The following CHD9 variants were observed in gnomAD, a reference collection of about 807,000 sequenced individuals.
CHD9 encodes ATP-dependent chromatin remodeler CHD9.
Under a neutral mutation model 316.1 loss-of-function variants are expected in CHD9, and 77 were observed. That is an observed-to-expected ratio of 0.24 (90% CI 0.20 to 0.29). CHD9 has a LOEUF of 0.29. Among genes scored for constraint, CHD9 ranks in the 10% least tolerant of loss-of-function variants. The pLI, the probability that CHD9 is intolerant of heterozygous loss-of-function variation, is 1.00. For missense variants in CHD9, 2,763 were observed against 3,438.1 expected (o/e 0.80, Z 4.91); for synonymous variants, 1,129 against 1,158.3 (o/e 0.97, Z 0.51).
chr16:53,168,353 A>G (rs1549042), intron 2 of CHD9, among the ~76,000 whole-genome samples: 73,506 of 151,918 alleles, frequency 0.48, 18,473 homozygotes, highest in African/African-American at 0.59. Flanking sequence ...ATGAGCCACC[A>G]CATCCAGCCT....
At chr16:53,112,324 A>T (rs1008024848) in intron 1 of CHD9, among the ~76,000 whole-genome samples, 6 of 152,208 alleles carry the variant, frequency 3.9e-5, no homozygotes, top group Non-Finnish European at 8.8e-5. Flanking sequence ...TTTCAGTGGA[A>T]ATGAAAGAAC....
chr16:53,161,134 A>G (rs1293218710), intron 2 of CHD9, among the ~76,000 whole-genome samples: 1 of 152,166 alleles, frequency 6.6e-6, no homozygotes, highest in Non-Finnish European at 1.5e-5. Flanking sequence ...CAAGTTTCCT[A>G]TTACTTCTTA....
intron 24 of CHD9, among the ~76,000 whole-genome samples, chr16:53,277,013 G>T (rs111972757): frequency 0.032 from 4,932 of 152,204 alleles, 96 homozygotes; most frequent in Middle Eastern, 0.071. Flanking sequence ...TAGAGGAGAT[G>T]CATGAATTTC....
chr16:53,327,245 A>T lies in CHD9; in HGVS notation c.*2350A>T, dbSNP rs993631347. 1.3e-5 allele frequency: 2 copies of T among 152,506 alleles called. No individual in the cohort carries two copies. The highest frequency in any genetic ancestry group is 3.2e-3 in the Middle Eastern group (1 of 316). 9.4% of individuals were successfully genotyped at this position (152,506 alleles called of 1,614,324 possible). ...ATCCAAGTATGTGTTGGTAGTTACT[A>T]AAAGAATTATAGCTGTTATTGCCTT... On this transcript the variant is annotated 3_prime_UTR_variant, in exon 39 of 39. Transcript: ENST00000447540.
chr16:53,152,609 T>C (rs1354849257), intron 1 of CHD9, among the ~76,000 whole-genome samples: 1 of 152,124 alleles, frequency 6.6e-6, no homozygotes, highest in Non-Finnish European at 1.5e-5. Flanking sequence ...TAAAGAGTCA[T>C]TGGAGGGTTG....
At chr16:53,172,034 A>C (rs1342145015) in intron 2 of CHD9, among the ~76,000 whole-genome samples, 1 of 152,178 alleles carries the variant, frequency 6.6e-6, no homozygotes. Flanking sequence ...AGCTTTATGG[A>C]GATAAAATGG....
intron 1 of CHD9, among the ~76,000 whole-genome samples, chr16:53,072,314 A>G (rs1596878533): frequency 9.1e-6 from 1 of 110,396 alleles, no homozygotes; most frequent in Non-Finnish European, 1.9e-5. Flanking sequence ...AAGGAAAGCC[A>G]TAAGTCTTTT....
intron 2 of CHD9, chr16:53,168,496 G>A (rs923107780): frequency 2.6e-5 from 4 of 152,136 alleles, no homozygotes; most frequent in African/African-American, 4.8e-5. Context: ...TGTTGAGAGG[G>A]AAAGTAACCT....
rs927905711 is a variant in CHD9 at position 53,155,315 on chromosome 16, C to T, written c.-164-611C>T. ...ATGGCTCACTGCAGCCTCAACCTCT[C>T]AGGCTCAAGCAGTCCTCCCACCTCA... On this transcript the variant is annotated intron_variant, in intron 1 of 38. Transcript: ENST00000447540. 7.2e-5 allele frequency among the ~76,000 whole-genome samples: 11 copies of T among 151,830 alleles called. No homozygotes were observed. In the South Asian group the frequency reaches 1.9e-3, roughly 26 times the overall value.
chr16:53,103,123 G>A (rs1044513484), intron 1 of CHD9, among the ~76,000 whole-genome samples: 2 of 149,054 alleles, frequency 1.3e-5, no homozygotes, highest in African/African-American at 4.9e-5. Context: ...GGGATTATAG[G>A]CATGAGCCAC....
In CHD9 at chr16:53,174,479, A is replaced by G. The variant is rs533365005; in HGVS notation, c.1452+16938A>G. Reference sequence around the variant, plus strand: ...ATTTAGACTTGTTTCTATGGCTTCTATTAGTGGCTTTGCATGTATTCTTTG... The same window carrying G: ...ATTTAGACTTGTTTCTATGGCTTCTGTTAGTGGCTTTGCATGTATTCTTTG... On this transcript the variant is annotated intron_variant, in intron 2 of 38. Coordinates refer to ENST00000447540, the MANE Select transcript of CHD9 (RefSeq NM_001308319.2). 7.2e-5 allele frequency among the ~76,000 whole-genome samples: 11 copies of G among 152,116 alleles called. No individual in the cohort carries two copies. The South Asian group carries it at 1.2e-3, about 17-fold the overall frequency.
At chr16:53,058,336 G>T (rs2032420771) in intron 1 of CHD9, among the ~76,000 whole-genome samples, 1 of 152,120 alleles carries the variant, frequency 6.6e-6, no homozygotes, top group African/African-American at 2.4e-5. Context: ...GCCCAGGCTG[G>T]TCTCGAGCTC....
At chr16:53,095,190 AT>A (rs1171641938) in intron 1 of CHD9, among the ~76,000 whole-genome samples, 1 of 152,136 alleles carries the variant, frequency 6.6e-6, no homozygotes. Context: ...CTAAAAACTA[AT>A]GCTTTTTCAA....
intron 8 of CHD9, among the ~76,000 whole-genome samples, chr16:53,230,877 T>TC (rs1490657723): frequency 6.6e-6 from 1 of 152,218 alleles, no homozygotes; most frequent in African/African-American, 2.4e-5. Flanking sequence ...AATGACTTCT[T>TC]CATTTCTGGC....
At chr16:53,316,964 C>G (rs1490045107) in intron 36 of CHD9, among the ~76,000 whole-genome samples, 1 of 151,894 alleles carries the variant, frequency 6.6e-6, no homozygotes, top group Non-Finnish European at 1.5e-5. Context: ...TTTGCGAGGC[C>G]GAGGCGGGCA....
intron 17 of CHD9, among the ~76,000 whole-genome samples, chr16:53,252,084 G>A (rs530358173): frequency 7.6e-4 from 116 of 152,092 alleles, no homozygotes; most frequent in African/African-American, 2.6e-3. Flanking sequence ...AAAAGAGCCC[G>A]CATAGCCAAA....
chr16:53,269,054 C>T (rs1054233040), intron 22 of CHD9, among the ~76,000 whole-genome samples: 5 of 151,890 alleles, frequency 3.3e-5, no homozygotes, highest in African/African-American at 1.2e-4. Flanking sequence ...CAATCCTTCC[C>T]CCTCAGCCAC....
chr16:53,231,284 G>T, intron 8 of CHD9, 135 bp from the exon 9 acceptor site: 1 of 534,246 alleles, frequency 1.9e-6, no homozygotes, highest in Non-Finnish European at 3.4e-6. Flanking sequence ...AAATGAAAAT[G>T]GAAGAATTCC....
chr16:53,299,571 T>C (rs1019077634), intron 30 of CHD9: 4 of 391,250 alleles, frequency 1.0e-5, no homozygotes, highest in Admixed American at 3.1e-5. Flanking sequence ...TCAGCAGCTA[T>C]TAACCCTCCA....
Sources: allele counts gnomAD v4.1 joint callset (sites outside exome capture counted in the v4.1 genomes callset), GRCh38; gene constraint gnomAD v4.1.1; transcripts MANE v1.5; gene names NCBI Gene and HGNC (gene_info 2026-07-23, HGNC 2026-07-21).